Variants in TMEM196 observed in about 807,000 individuals in gnomAD.
TMEM196 encodes the protein transmembrane protein 196.
Under a neutral mutation model 20.0 loss-of-function variants are expected in TMEM196, and 17 were observed. That is an observed-to-expected ratio of 0.85 (90% CI 0.58 to 1.27). The LOEUF (loss-of-function observed/expected upper bound fraction) is 1.27. TMEM196 is among the 50% of genes most tolerant of loss of function. The pLI, the probability that TMEM196 is intolerant of heterozygous loss-of-function variation, is 0.00. For missense variants in TMEM196, 267 were observed against 223.0 expected, an observed-to-expected ratio of 1.20 and a Z score of -1.26; for synonymous variants, 113 against 88.9, an observed-to-expected ratio of 1.27 and a Z score of -1.52.
At position 19,772,916 on chromosome 7, in the gene TMEM196, G is replaced by C. The variant is rs1785949645; in HGVS notation, c.-220C>G. ...GCTGCTCCACCCCCTGGCACGTTCA[G>C]ATAGGGATCGTAGAAGGATCTTCCT... On this transcript the variant is annotated 5_prime_UTR_variant, in exon 1 of 5. In the 5' UTR this introduces an upstream ATG that the reference lacks. Transcript: ENST00000405844. 1 of 393,610 alleles carries C rather than the reference G, an allele frequency of 2.5e-6. No individual in the cohort carries two copies. Among genetic ancestry groups the C allele is most frequent in the Admixed American group, 4.5e-5 (1 of 22,320 alleles). 24.4% of individuals were successfully genotyped at this position (393,610 alleles called of 1,614,324 possible).
chr7:19,725,404 A>G (rs1378762778), intron 3 of TMEM196, 110 bp downstream of exon 3: 5 of 1,396,908 alleles, frequency 3.6e-6, no homozygotes, highest in South Asian at 1.6e-5. Context: ...AGCCAAATGT[A>G]TAAAATCTGA....
intron 1 of TMEM196, among the ~76,000 whole-genome samples, chr7:19,752,858 C>T (rs553675592): frequency 6.6e-6 from 1 of 152,058 alleles, no homozygotes; most frequent in East Asian, 1.9e-4. Flanking sequence ...CGTGATCCAC[C>T]TGCCTCAGCC....
intron 1 of TMEM196, among the ~76,000 whole-genome samples, chr7:19,750,085 C>A (rs1422387105): frequency 1.3e-5 from 2 of 152,182 alleles, no homozygotes; most frequent in Non-Finnish European, 2.9e-5. Flanking sequence ...GCACCATTAA[C>A]CCTGGATCTT....
chr7:19,721,904 A>G lies in TMEM196; in HGVS notation c.*224T>C, dbSNP rs1783825310. 1 of 590,062 alleles carries G rather than the reference A, an allele frequency of 1.7e-6. No homozygotes were observed. The highest frequency in any genetic ancestry group is 4.5e-4 in the Middle Eastern group (1 of 2,204). The allele number at this position is 590,062 out of a possible 1,614,324, so 36.6% of individuals were successfully genotyped here. Reference sequence around the variant, plus strand: ...ATGTTTCTGGAAAGTTTTTTACCCCATAAAAAAGGGTGGAGAAACCAGTGA... The same window carrying G: ...ATGTTTCTGGAAAGTTTTTTACCCCGTAAAAAAGGGTGGAGAAACCAGTGA... On this transcript the variant is annotated 3_prime_UTR_variant, in exon 5 of 5. Coordinates refer to ENST00000405844, the MANE Select transcript of TMEM196 (RefSeq NM_001363562.2).
Position 19,729,458 on chromosome 7 carries a change from C to A in TMEM196, c.148-20G>T. Reference sequence around the variant, plus strand: ...AAGAAACTGAAAAGGAAAAGAAGAACAATTACTCCTTATCCAAAGACACGA... The same window carrying A: ...AAGAAACTGAAAAGGAAAAGAAGAAAAATTACTCCTTATCCAAAGACACGA... On this transcript the variant is annotated intron_variant, in intron 1 of 4. Coordinates refer to ENST00000405844, the MANE Select transcript of TMEM196 (RefSeq NM_001363562.2). 6.5e-7 allele frequency: 1 copy of A among 1,548,586 alleles called. No individual in the cohort carries two copies. The highest frequency in any genetic ancestry group is 8.7e-7 in the Non-Finnish European group (1 of 1,146,056).
At chr7:19,770,613 C>G (rs1319162239) in intron 1 of TMEM196, among the ~76,000 whole-genome samples, 1 of 152,108 alleles carries the variant, frequency 6.6e-6, no homozygotes, top group Non-Finnish European at 1.5e-5. Flanking sequence ...TTTATTGAAT[C>G]AGACAATAGA....
chr7:19,756,027 C>T (rs1785195013), intron 1 of TMEM196, among the ~76,000 whole-genome samples: 1 of 120,820 alleles, frequency 8.3e-6, no homozygotes, highest in South Asian at 2.8e-4. Flanking sequence ...CAGAGTGAGA[C>T]TCTATTTAAA....
Position 19,722,117 on chromosome 7 carries a change from C to T in TMEM196, c.*11G>A. 1 of 1,609,228 alleles carries T rather than the reference C, an allele frequency of 6.2e-7. No individual in the cohort carries two copies. The highest frequency in any genetic ancestry group is 8.5e-7 in the Non-Finnish European group (1 of 1,177,800). ...ATATCAGCTGTGGTCCTCCATTGCT[C>T]ATGTTGTCTGTTATTTCCTGTTAGA... On this transcript the variant is annotated 3_prime_UTR_variant, in exon 5 of 5. Coordinates refer to ENST00000405844, the MANE Select transcript of TMEM196 (RefSeq NM_001363562.2).
chr7:19,744,085 C>T (rs1254829059), intron 1 of TMEM196, among the ~76,000 whole-genome samples: 1 of 152,018 alleles, frequency 6.6e-6, no homozygotes, highest in Non-Finnish European at 1.5e-5. Flanking sequence ...TAAACTTAAG[C>T]TAATAAAAGA....
chr7:19,768,874 T>C (rs17452867), intron 1 of TMEM196, among the ~76,000 whole-genome samples: 8,883 of 152,288 alleles, frequency 0.058, 394 homozygotes, highest in African/African-American at 0.12. Flanking sequence ...ATCCTTCTCA[T>C]ACATTTTAAG....
At position 19,721,031 on chromosome 7, in the gene TMEM196, C is replaced by T. The variant is rs1783796332; in HGVS notation, c.*1097G>A. 6.6e-6 allele frequency: 1 copy of T among 151,834 alleles called. No homozygotes were observed. The highest frequency in any genetic ancestry group is 2.4e-5 in the African/African-American group (1 of 41,426). The allele number at this position is 151,834 out of a possible 1,614,324, so 9.4% of individuals were successfully genotyped here. On this transcript the variant is annotated 3_prime_UTR_variant, in exon 5 of 5. Coordinates refer to ENST00000405844, the MANE Select transcript of TMEM196 (RefSeq NM_001363562.2). ...TAATTTTAATTGCTATACATAAATA[C>T]TATAATCATAGTGAAATAGTCAAAT...
chr7:19,723,261 A>G (rs1384778895), intron 4 of TMEM196, among the ~76,000 whole-genome samples: 1 of 151,956 alleles, frequency 6.6e-6, no homozygotes, highest in Non-Finnish European at 1.5e-5. Context: ...AATAGGTAGA[A>G]TCACCCCCCA....
chr7:19,745,764 A>T (rs1273403407), intron 1 of TMEM196, among the ~76,000 whole-genome samples: 1 of 149,176 alleles, frequency 6.7e-6, no homozygotes, highest in African/African-American at 2.5e-5. Flanking sequence ...AGTACTGGGG[A>T]TGCTGAGAGG....
intron 1 of TMEM196, among the ~76,000 whole-genome samples, chr7:19,745,059 A>G (rs536801714): frequency 4.6e-5 from 7 of 152,138 alleles, no homozygotes; most frequent in Non-Finnish European, 8.8e-5. Flanking sequence ...GATGATGCAC[A>G]AGTCCCTTAT....
At position 19,720,009 on chromosome 7, in the gene TMEM196, T is replaced by C. The variant is rs553645349; in HGVS notation, c.*2119A>G. 1 of 152,194 alleles carries C rather than the reference T, an allele frequency of 6.6e-6. No individual in the cohort carries two copies. 9.4% of individuals were successfully genotyped at this position (152,194 alleles called of 1,614,324 possible). A position where few individuals can be genotyped will look rare whatever the true frequency, so the allele number is the denominator to read the frequency against. On this transcript the variant is annotated 3_prime_UTR_variant, in exon 5 of 5. Transcript: ENST00000405844. ...TTTATAGAGAAATGCTACTGAAAAT[T>C]AGAGTCAGTGTTTATTCTTTCAGTA...
intron 1 of TMEM196, among the ~76,000 whole-genome samples, chr7:19,753,952 A>C (rs368080536): frequency 1.3e-5 from 2 of 152,312 alleles, no homozygotes; most frequent in African/African-American, 2.4e-5. Context: ...TCTTTCATGA[A>C]GTCATCTATG....
intron 1 of TMEM196, among the ~76,000 whole-genome samples, chr7:19,734,058 A>G (rs1011988788): frequency 3.3e-5 from 5 of 152,126 alleles, no homozygotes; most frequent in Non-Finnish European, 5.9e-5. Context: ...CTCAAGCTGA[A>G]GGTGGGGCAC....
chr7:19,735,995 CA>C (rs1784386559), intron 1 of TMEM196, among the ~76,000 whole-genome samples: 1 of 151,902 alleles, frequency 6.6e-6, no homozygotes, highest in South Asian at 2.1e-4. Flanking sequence ...ATCAGGAAAA[CA>C]CACAGACAAA....
At chr7:19,731,824 G>A (rs1784215862) in intron 1 of TMEM196, among the ~76,000 whole-genome samples, 1 of 152,164 alleles carries the variant, frequency 6.6e-6, no homozygotes, top group Non-Finnish European at 1.5e-5. Flanking sequence ...GGAGAGTAGG[G>A]GAGGAATCAA....
Sources: gnomAD v4.1 joint callset for allele counts (sites outside exome capture counted in the v4.1 genomes callset) on GRCh38, gnomAD v4.1.1 for gene constraint, MANE v1.5 for transcripts, NCBI Gene and HGNC (gene_info 2026-07-23, HGNC 2026-07-21) for gene names.